KCNIP1: variants seen among roughly 807,000 people sequenced by gnomAD.
KCNIP1 encodes the protein A-type potassium channel modulatory protein KCNIP1.
KCNIP1 carries 18 observed loss-of-function variants against 33.0 expected under a neutral mutation model. That is an observed-to-expected ratio of 0.55 (90% CI 0.38 to 0.81). The LOEUF (loss-of-function observed/expected upper bound fraction) is 0.81. Among genes scored for constraint, KCNIP1 ranks in the 30% least tolerant of loss-of-function variants. The probability of loss-of-function intolerance (pLI) is 0.00; values close to 1 mark genes in which losing one functional copy is unlikely to be tolerated. For synonymous variants in KCNIP1, 93 were observed against 98.3 expected (o/e 0.95, Z 0.32); for missense variants, 238 against 271.6 (o/e 0.88, Z 0.87).
intron 1 of KCNIP1, among the ~76,000 whole-genome samples, chr5:170,685,197 C>A (rs530986600): frequency 6.6e-6 from 1 of 151,978 alleles, no homozygotes; most frequent in South Asian, 2.1e-4. Flanking sequence ...TACTTTCCAT[C>A]CTCCAATGAG....
At chr5:170,387,058 G>A (rs189055576) in intron 1 of KCNIP1, among the ~76,000 whole-genome samples, 232 of 152,192 alleles carry the variant, frequency 1.5e-3, no homozygotes, top group African/African-American at 5.4e-3. Flanking sequence ...CCATGGTTCC[G>A]CAAGCTGTCC....
At chr5:170,499,785 A>G (rs1014066192), upstream of KCNIP1, among the ~76,000 whole-genome samples, 5 of 152,238 alleles carry the variant, frequency 3.3e-5, no homozygotes, top group Admixed American at 2.0e-4. Flanking sequence ...TGTGTGTTAC[A>G]TAAACTCAGA....
intron 5 of KCNIP1, among the ~76,000 whole-genome samples, chr5:170,727,158 A>G (rs571643401): frequency 1.3e-5 from 2 of 152,370 alleles, no homozygotes; most frequent in Non-Finnish European, 2.9e-5. Context: ...AGCAATGTGT[A>G]TGAAGCTCAT....
intron 1 of KCNIP1, among the ~76,000 whole-genome samples, chr5:170,697,105 A>C (rs1238950187): frequency 4.1e-5 from 6 of 146,100 alleles, no homozygotes. Flanking sequence ...ATACACACAC[A>C]CTCCTTCCTT....
chr5:170,467,745 C>T (rs1054239046), intron 1 of KCNIP1, among the ~76,000 whole-genome samples: 5 of 151,724 alleles, frequency 3.3e-5, no homozygotes, highest in Admixed American at 1.3e-4. Flanking sequence ...TGGCAAAAAC[C>T]CATCTCTACT....
intron 1 of KCNIP1, among the ~76,000 whole-genome samples, chr5:170,583,774 G>C (rs377440181): frequency 6.6e-6 from 1 of 152,162 alleles, no homozygotes; most frequent in Non-Finnish European, 1.5e-5. Flanking sequence ...AATATTTTCC[G>C]GCAGTGTTTC....
intron 1 of KCNIP1, among the ~76,000 whole-genome samples, chr5:170,362,458 G>A (rs1276691846): frequency 2.6e-5 from 4 of 152,200 alleles, no homozygotes; most frequent in Admixed American, 6.5e-5. Context: ...CTGAGGAAGT[G>A]CAATTGAGGA....
At chr5:170,686,188 T>G (rs1762531653) in intron 1 of KCNIP1, among the ~76,000 whole-genome samples, 1 of 152,140 alleles carries the variant, frequency 6.6e-6, no homozygotes, top group Non-Finnish European at 1.5e-5. Context: ...CAAAGTCTAT[T>G]AGAGGAATGA....
rs188361588 is a variant in KCNIP1, at chr5:170,621,441, C to G, written c.62-97317C>G. ...CCACAGAGTGTGGTGTGGGGGAGAT[C>G]TGTGAGCACCCCAGCAGCCATGAGG... On this transcript the variant is annotated intron_variant, in intron 1 of 7. Coordinates refer to ENST00000328939, the MANE Select transcript of KCNIP1 (RefSeq NM_014592.4). Among the ~76,000 whole-genome samples the G allele has an allele frequency of 3.9e-5, 6 of 152,304 alleles. No homozygotes were observed. The South Asian group carries it at 1.2e-3, about 32-fold the overall frequency.
At chr5:170,392,075 TC>T (rs1320823624) in intron 1 of KCNIP1, among the ~76,000 whole-genome samples, 3 of 151,708 alleles carry the variant, frequency 2.0e-5, no homozygotes, top group African/African-American at 7.3e-5. Flanking sequence ...GGGCTCGAGT[TC>T]CCCCCACACG....
At chr5:170,624,488 A>G (rs1052906078) in intron 1 of KCNIP1, among the ~76,000 whole-genome samples, 3 of 151,970 alleles carry the variant, frequency 2.0e-5, no homozygotes, top group Non-Finnish European at 4.4e-5. Flanking sequence ...CTTCCTCTCC[A>G]TTTTACAATC....
intron 1 of KCNIP1, among the ~76,000 whole-genome samples, chr5:170,574,440 A>G (rs985639116): frequency 6.6e-6 from 1 of 152,370 alleles, no homozygotes; most frequent in South Asian, 2.1e-4. Context: ...GCCAGCAGTC[A>G]TAGTGGTGGT....
At chr5:170,718,092 C>T (rs768699541) in intron 1 of KCNIP1, among the ~76,000 whole-genome samples, 1 of 152,134 alleles carries the variant, frequency 6.6e-6, no homozygotes, top group East Asian at 1.9e-4. Context: ...ACATTATAGT[C>T]CATAAGGGAG....
At chr5:170,697,401 C>T (rs1248925109) in intron 1 of KCNIP1, among the ~76,000 whole-genome samples, 1 of 152,196 alleles carries the variant, frequency 6.6e-6, no homozygotes, top group Admixed American at 6.5e-5. Flanking sequence ...GTGCCTTGCA[C>T]ATATTAGATA....
intron 4 of KCNIP1, among the ~76,000 whole-genome samples, chr5:170,722,337 T>C (rs769537418): frequency 2.6e-5 from 4 of 152,136 alleles, no homozygotes; most frequent in Non-Finnish European, 5.9e-5. Context: ...TGGATTTGAA[T>C]GTAGGCAGAA....
chr5:170,643,168 G>C (rs1760645223), intron 1 of KCNIP1, among the ~76,000 whole-genome samples: 1 of 152,216 alleles, frequency 6.6e-6, no homozygotes, highest in African/African-American at 2.4e-5. Context: ...TCAGAGGCTG[G>C]AGTGACACCT....
At chr5:170,579,037 TA>T (rs1387525332) in intron 1 of KCNIP1, among the ~76,000 whole-genome samples, 2 of 152,220 alleles carry the variant, frequency 1.3e-5, no homozygotes, top group Non-Finnish European at 2.9e-5. Flanking sequence ...ATTGTCACTG[TA>T]ATGCTGTGTA....
intron 1 of KCNIP1, among the ~76,000 whole-genome samples, chr5:170,580,506 G>A (rs1160218917): frequency 6.6e-6 from 1 of 152,138 alleles, no homozygotes. Context: ...TAGACTTCAG[G>A]AGCCAGACCC....
At chr5:170,536,213 A>G (rs973591243) in intron 1 of KCNIP1, among the ~76,000 whole-genome samples, 3 of 152,196 alleles carry the variant, frequency 2.0e-5, no homozygotes, top group Admixed American at 6.5e-5. Flanking sequence ...GATTGAAACC[A>G]AGGGCTCCTG....
Sources: gnomAD v4.1 joint callset for allele counts (sites outside exome capture counted in the v4.1 genomes callset) on GRCh38, gnomAD v4.1.1 for gene constraint, MANE v1.5 for transcripts, NCBI Gene and HGNC (gene_info 2026-07-23, HGNC 2026-07-21) for gene names.